CCDC85C: variants seen among roughly 807,000 people sequenced by gnomAD.
CCDC85C encodes coiled-coil domain-containing protein 85C.
In CCDC85C, 18 loss-of-function variants were observed where a neutral mutation model predicts 38.3. The ratio of observed to expected loss-of-function variants is 0.47; its 90% confidence interval spans 0.33 to 0.70. The LOEUF is 0.70. CCDC85C is among the 30% of genes least tolerant of loss of function. The probability of loss-of-function intolerance (pLI) is 0.03; values close to 1 mark genes in which losing one functional copy is unlikely to be tolerated. For missense variants in CCDC85C, 566 were observed against 621.2 expected, an observed-to-expected ratio of 0.91 and a Z score of 0.94; for synonymous variants, 264 against 293.8, an observed-to-expected ratio of 0.90 and a Z score of 1.04.
chr14:99,581,472 C>T (rs761840723), intron 1 of CCDC85C, among the ~76,000 whole-genome samples: 1 of 152,254 alleles, frequency 6.6e-6, no homozygotes, highest in Admixed American at 6.5e-5. Context: ...TCGCTCCCCC[C>T]ACCCATGGTC....
intron 2 of CCDC85C, among the ~76,000 whole-genome samples, chr14:99,527,149 G>C (rs527393873): frequency 1.3e-5 from 2 of 152,380 alleles, no homozygotes; most frequent in African/African-American, 4.8e-5. Context: ...CAGGAGGTTT[G>C]TGTCCACACG....
intron 1 of CCDC85C, among the ~76,000 whole-genome samples, chr14:99,561,433 C>T (rs1312691379): frequency 6.6e-6 from 1 of 152,216 alleles, no homozygotes; most frequent in Non-Finnish European, 1.5e-5. Context: ...GGCACCTGCC[C>T]AGCCATCCTC....
intron 1 of CCDC85C, among the ~76,000 whole-genome samples, chr14:99,579,127 G>A (rs891195153): frequency 1.3e-5 from 2 of 152,228 alleles, no homozygotes; most frequent in African/African-American, 4.8e-5. Context: ...AGGTGGCCCT[G>A]AGTCCAGAGG....
In CCDC85C at chr14:99,545,716, G is replaced by A. The variant is rs1424739968; in HGVS notation, c.794-9628C>T. ...GGGGAGAGACATCTCACCACACAGC[G>A]GTCACATCACATTCAGCCTGCAGCT... On this transcript the variant is annotated intron_variant, in intron 1 of 5. Transcript: ENST00000380243. This position sits in a 1 kb window ranked among gnomAD's most constrained non-coding sequence, Gnocchi z 4.7. Among the ~76,000 whole-genome samples, 4 of 152,080 alleles carry A rather than the reference G, an allele frequency of 2.6e-5. No homozygotes were observed. The highest frequency in any genetic ancestry group is 2.1e-4 in the South Asian group (1 of 4,830).
At chr14:99,577,793 A>G (rs1439796457) in intron 1 of CCDC85C, among the ~76,000 whole-genome samples, 3 of 126,322 alleles carry the variant, frequency 2.4e-5, no homozygotes, top group African/African-American at 3.4e-5. Flanking sequence ...TGTATCCCCC[A>G]TCAGTGTGTG....
chr14:99,603,328 G>A lies in CCDC85C; in HGVS notation c.632C>T (p.Ala211Val). The A allele has an allele frequency of 1.5e-6, 2 of 1,341,134 alleles. No individual in the cohort carries two copies. The highest frequency in any genetic ancestry group is 1.9e-5 in the South Asian group (1 of 52,856). The allele number at this position is 1,341,134 out of a possible 1,614,324, so 83.1% of individuals were successfully genotyped here. A position where few individuals can be genotyped will look rare whatever the true frequency, so the allele number is the denominator to read the frequency against. Residue 211 changes from alanine (A) to valine (V), a missense_variant, in exon 1 of 6, where the codon GCG becomes GTG. This residue lies in a region of CCDC85C where 11 missense variants were observed against 36.6 expected (regional missense o/e 0.30). Transcript: ENST00000380243. This position sits in a 1 kb window ranked among gnomAD's most constrained non-coding sequence, Gnocchi z 7.5. ...GTGGTCGGGGCTGCCGCCGCTGCCC[G>A]CGCTGGACGTACTGCTGCCGTCGCC... ...DVGDGSSTSS[A>V]GSGGSPDHHH...
rs1897282356 is a variant in CCDC85C at position 99,520,161 on chromosome 14, G to A, written c.975+1972C>T. 6.6e-6 allele frequency among the ~76,000 whole-genome samples: 1 copy of A among 152,124 alleles called. No homozygotes were observed. The highest frequency in any genetic ancestry group is 1.5e-5 in the Non-Finnish European group (1 of 68,008). On this transcript the variant is annotated intron_variant, in intron 3 of 5. Transcript: ENST00000380243. This position sits in a 1 kb window ranked among gnomAD's most constrained non-coding sequence, Gnocchi z 4.1. ...GGACTCTCCAGCATGCCCTCAATGT[G>A]CCCATGACCCACAGGTAGCCTTAAA...
At chr14:99,525,921 C>T (rs1424241848) in intron 2 of CCDC85C, among the ~76,000 whole-genome samples, 1 of 152,234 alleles carries the variant, frequency 6.6e-6, no homozygotes, top group Non-Finnish European at 1.5e-5. Context: ...GGATGGCTGA[C>T]AGGTGAGCAT....
At chr14:99,559,392 G>C (rs761311202) in intron 1 of CCDC85C, among the ~76,000 whole-genome samples, 3 of 152,172 alleles carry the variant, frequency 2.0e-5, no homozygotes, top group Non-Finnish European at 2.9e-5. Context: ...ATTCGTGGTA[G>C]TGCCGTAGGA....
At chr14:99,578,620 C>T (rs2054929872) in intron 1 of CCDC85C, among the ~76,000 whole-genome samples, 1 of 152,210 alleles carries the variant, frequency 6.6e-6, no homozygotes, top group Admixed American at 6.5e-5. Context: ...TCCTCTTGGT[C>T]ATGTTCAATG....
rs183204959 is a variant in CCDC85C at position 99,543,365 on chromosome 14, G to A, written c.794-7277C>T. ...ACCCACAGGACCAGCGGGGGTCGGC[G>A]GGCAGGGGCAGTATATTATTGGTCA... On this transcript the variant is annotated intron_variant, in intron 1 of 5. Coordinates refer to ENST00000380243, the MANE Select transcript of CCDC85C (RefSeq NM_001144995.2). Among the ~76,000 whole-genome samples the A allele has an allele frequency of 9.8e-5, 15 of 152,314 alleles. No individual in the cohort carries two copies. In the East Asian group the frequency reaches 2.7e-3, roughly 27 times the overall value.
Position 99,510,525 on chromosome 14 carries a change from C to A in CCDC85C, c.*4721G>T. 1 of 570,502 alleles carries A rather than the reference C, an allele frequency of 1.8e-6. No individual in the cohort carries two copies. The highest frequency in any genetic ancestry group is 5.6e-5 in the East Asian group (1 of 17,724). 35.3% of individuals were successfully genotyped at this position (570,502 alleles called of 1,614,324 possible). On this transcript the variant is annotated 3_prime_UTR_variant, in exon 6 of 6. Transcript: ENST00000380243. ...GCCTCCTCCCCCAGCCTCCTTCCCC[C>A]CACCTGCCATCCCACCCCCTACTCC...
chr14:99,503,966 C>A lies in CCDC85C; in HGVS notation c.*11280G>T. The A allele has an allele frequency of 5.5e-6, 2 of 363,362 alleles. No individual in the cohort carries two copies. The highest frequency in any genetic ancestry group is 5.2e-6 in the Non-Finnish European group (1 of 192,148). The allele number at this position is 363,362 out of a possible 1,614,324, so 22.5% of individuals were successfully genotyped here. ...TAGAGACTATTTACCCCCATCACAG[C>A]AGCAGGAGTCCTCTCCCAAGCACCA... On this transcript the variant is annotated 3_prime_UTR_variant, in exon 6 of 6. Transcript: ENST00000380243.
In CCDC85C at chr14:99,501,791, C is replaced by T. The variant is rs558936796; in HGVS notation, c.*13455G>A. Reference sequence around the variant, plus strand: ...AGAGGCCAGGGATCTAATGAGGGGCCGTGGTGGGAAACAGAATGCCTGTGA... The same window carrying T: ...AGAGGCCAGGGATCTAATGAGGGGCTGTGGTGGGAAACAGAATGCCTGTGA... On this transcript the variant is annotated 3_prime_UTR_variant, in exon 6 of 6. Coordinates refer to ENST00000380243, the MANE Select transcript of CCDC85C (RefSeq NM_001144995.2). 8.5e-6 allele frequency: 2 copies of T among 233,956 alleles called. No homozygotes were observed. Among genetic ancestry groups the T allele is most frequent in the East Asian group, 1.1e-4 (1 of 8,852 alleles). The allele number at this position is 233,956 out of a possible 1,614,324, so 14.5% of individuals were successfully genotyped here.
chr14:99,603,731 G>A lies in CCDC85C; in HGVS notation c.229C>T (p.Leu77=), dbSNP rs1268128756. 2 of 1,520,084 alleles carry A rather than the reference G, an allele frequency of 1.3e-6. No individual in the cohort carries two copies. The highest frequency in any genetic ancestry group is 2.4e-5 in the South Asian group (2 of 81,844). The allele number at this position is 1,520,084 out of a possible 1,614,324, so 94.2% of individuals were successfully genotyped here. A position where few individuals can be genotyped will look rare whatever the true frequency, so the allele number is the denominator to read the frequency against. Residue 77 remains leucine (L), a synonymous_variant, in exon 1 of 6, where the codon CTG becomes TTG. Transcript: ENST00000380243. The surrounding 1 kb of genome is among the most constrained non-coding windows in gnomAD (Gnocchi z 7.5). ...CGCAGCTCCTGGTTGTCGTCCTGCA[G>A]CCGCTGGTTCACGTCCTTGAGGCCG... The part of the protein sequence containing the change: ...IRGLKDVNQR[L]QDDNQELREL...
In CCDC85C at chr14:99,535,370, C is replaced by T. The variant is rs1897575141; in HGVS notation, c.867+645G>A. On this transcript the variant is annotated intron_variant, in intron 2 of 5. Coordinates refer to ENST00000380243, the MANE Select transcript of CCDC85C (RefSeq NM_001144995.2). The surrounding 1 kb of genome is among the most constrained non-coding windows in gnomAD (Gnocchi z 5.5). ...GCTGGCCCCCAACACCCAAGCGTGACTGCCCATAGCCTCCTCTCGGCAGCC... is the reference window on the plus strand; with the variant it reads ...GCTGGCCCCCAACACCCAAGCGTGATTGCCCATAGCCTCCTCTCGGCAGCC... 6.6e-6 allele frequency among the ~76,000 whole-genome samples: 1 copy of T among 152,180 alleles called. No homozygotes were observed. Among genetic ancestry groups the T allele is most frequent in the Non-Finnish European group, 1.5e-5 (1 of 68,014 alleles).
chr14:99,510,248 TCCGGCCCA>T lies in CCDC85C; in HGVS notation c.*4990_*4997del, dbSNP rs752596562. On this transcript the variant is annotated 3_prime_UTR_variant, in exon 6 of 6. Transcript: ENST00000380243. ...ACCTCCCCAAAGTCCAGATTCCCCCTCCGGCCCACCCGGCCCCTGTGCACCAGCCACCG... is the reference window on the plus strand; with the variant it reads ...ACCTCCCCAAAGTCCAGATTCCCCCTCCCGGCCCCTGTGCACCAGCCACCG... 5 of 1,546,648 alleles carry T rather than the reference TCCGGCCCA, an allele frequency of 3.2e-6. No homozygotes were observed. In the Admixed American group the frequency reaches 7.3e-5, roughly 23 times the overall value.
chr14:99,531,539 C>A (rs1182626220), intron 2 of CCDC85C, among the ~76,000 whole-genome samples: 1 of 130,336 alleles, frequency 7.7e-6, no homozygotes. Context: ...CATGCTGGCA[C>A]ATTTTTAATT....
Position 99,588,684 on chromosome 14 carries a change from C to T in CCDC85C, c.793+14483G>A, listed in dbSNP as rs567609053. On this transcript the variant is annotated intron_variant, in intron 1 of 5. Coordinates refer to ENST00000380243, the MANE Select transcript of CCDC85C (RefSeq NM_001144995.2). The surrounding 1 kb of genome is among the most constrained non-coding windows in gnomAD (Gnocchi z 5.0). The stretch of plus-strand genomic sequence containing the variant: ...TCTGGGGTCAGGTCATTCCCCCACC[C>T]GTATAAGCACTTGGAAGGTGGTCCT... Among the ~76,000 whole-genome samples, 2 of 152,082 alleles carry T rather than the reference C, an allele frequency of 1.3e-5. No homozygotes were observed. Among genetic ancestry groups the T allele is most frequent in the East Asian group, 2.0e-4 (1 of 5,126 alleles).
Sources: allele counts gnomAD v4.1 joint callset (sites outside exome capture counted in the v4.1 genomes callset), GRCh38; gene constraint gnomAD v4.1.1; regional missense constraint gnomAD v4.1.1; non-coding constraint Gnocchi (gnomAD v3.1); transcripts MANE v1.5; gene names NCBI Gene and HGNC (gene_info 2026-07-23, HGNC 2026-07-21).